The following LAMA2 variants were observed in gnomAD, a reference collection of about 807,000 sequenced individuals.
LAMA2 encodes laminin subunit alpha 2, also known as laminin subunit alpha-2.
In LAMA2, 269 loss-of-function variants were observed where a neutral mutation model predicts 364.8. The ratio of observed to expected loss-of-function variants is 0.74; its 90% CI spans 0.67 to 0.82. The LOEUF (loss-of-function observed/expected upper bound fraction) is 0.82, where lower values mean the gene tolerates loss of function less well. Among genes scored for constraint, LAMA2 ranks in the 40% least tolerant of loss-of-function variants. LAMA2 has a pLI of 0.00. For synonymous variants in LAMA2, 1,379 were observed against 1,370.6 expected (o/e 1.01, Z -0.14); for missense variants, 3,807 against 3,873.2 (o/e 0.98, Z 0.45).
At chr6:129,172,543 C>T (rs1211697033) in intron 9 of LAMA2, among the ~76,000 whole-genome samples, 1 of 152,244 alleles carries the variant, frequency 6.6e-6, no homozygotes, top group Non-Finnish European at 1.5e-5. Flanking sequence ...CTTAGATCTC[C>T]AGCTGCGTGC....
At chr6:129,181,618 G>C (rs1391901582) in intron 10 of LAMA2, among the ~76,000 whole-genome samples, 1 of 151,752 alleles carries the variant, frequency 6.6e-6, no homozygotes, top group Non-Finnish European at 1.5e-5. Flanking sequence ...AGAAACTGCA[G>C]GATAGAAAAT....
rs1361402560 is a variant in LAMA2 at position 129,492,374 on chromosome 6, A to G, written c.8135A>G (p.His2712Arg). 6.2e-7 allele frequency: 1 copy of G among 1,614,174 alleles called. No individual in the cohort carries two copies. The highest frequency in any genetic ancestry group is 8.5e-7 in the Non-Finnish European group (1 of 1,180,002). ...FKNADIGRCA[H>R]QKLREDEDGA... is the part of the protein sequence containing the mutation. ...AATGCTGACATTGGTCGCTGTGCCC[A>G]TCAGAAACTCCGTGAAGATGAAGAT... The change falls in exon 58 of 65, where the codon CAT (histidine) becomes CGT (arginine). Residue 2712 changes from histidine to arginine, a missense_variant. His to Arg is a conservative substitution (Grantham distance 29, BLOSUM62 0). Around this residue, in one of 3 missense-constraint regions of LAMA2, gnomAD observed 3,333 missense variants for 3,345.7 expected, o/e 1.00. Coordinates refer to ENST00000421865, the MANE Select transcript of LAMA2 (RefSeq NM_000426.4).
intron 1 of LAMA2, among the ~76,000 whole-genome samples, chr6:129,013,302 TGGCG>T (rs1280767019): frequency 6.6e-6 from 1 of 151,930 alleles, no homozygotes; most frequent in African/African-American, 2.4e-5. Flanking sequence ...CCCGGCGTGG[TGGCG>T]GGCGCCTGTA....
intron 15 of LAMA2, among the ~76,000 whole-genome samples, chr6:129,261,388 T>G (rs899352): frequency 0.16 from 24,798 of 152,028 alleles, 2,173 homozygotes; most frequent in South Asian, 0.23. Context: ...TATTGTTGTC[T>G]CAATATCCTA....
chr6:129,113,032 T>G (rs1207336676), intron 4 of LAMA2, among the ~76,000 whole-genome samples: 1 of 152,112 alleles, frequency 6.6e-6, no homozygotes, highest in Non-Finnish European at 1.5e-5. Context: ...ATTATTTCCC[T>G]GTACAACAAT....
chr6:129,167,119 C>A (rs893703695), intron 9 of LAMA2, among the ~76,000 whole-genome samples: 13 of 152,058 alleles, frequency 8.5e-5, no homozygotes, highest in Non-Finnish European at 1.9e-4. Flanking sequence ...CCCAGTCTTA[C>A]TTCCAAATTT....
At chr6:129,055,411 C>T (rs763003179) in intron 2 of LAMA2, among the ~76,000 whole-genome samples, 1 of 151,940 alleles carries the variant, frequency 6.6e-6, no homozygotes, top group African/African-American at 2.4e-5. Flanking sequence ...CCAGGCTGGT[C>T]TTGAACTCTC....
At chr6:129,403,139 C>A (rs1425994656) in intron 39 of LAMA2, among the ~76,000 whole-genome samples, 2 of 152,112 alleles carry the variant, frequency 1.3e-5, no homozygotes, top group African/African-American at 2.4e-5. Context: ...GCTATTAGCC[C>A]CAAGAATAAT....
At chr6:129,219,354 T>C (rs1783639144) in intron 12 of LAMA2, among the ~76,000 whole-genome samples, 1 of 151,850 alleles carries the variant, frequency 6.6e-6, no homozygotes, top group South Asian at 2.1e-4. Context: ...TGTGGAGAAA[T>C]AGGAACACTT....
In LAMA2 at chr6:129,457,798, G is replaced by C. The variant is rs566661890; in HGVS notation, c.6867+1304G>C. ...TTGAAGCTAAGAAGTCTGAGATCAAGGTACTGGCAGATTTGGTGTTTAGTG... is the reference window on the plus strand; with the variant it reads ...TTGAAGCTAAGAAGTCTGAGATCAACGTACTGGCAGATTTGGTGTTTAGTG... On this transcript the variant is annotated intron_variant, in intron 48 of 64. Coordinates refer to ENST00000421865, the MANE Select transcript of LAMA2 (RefSeq NM_000426.4). Among the ~76,000 whole-genome samples, 7 of 152,180 alleles carry C rather than the reference G, an allele frequency of 4.6e-5. No homozygotes were observed. The East Asian group carries it at 1.2e-3, about 25-fold the overall frequency.
chr6:129,357,943 G>C (rs1459689113), intron 32 of LAMA2, among the ~76,000 whole-genome samples: 1 of 151,942 alleles, frequency 6.6e-6, no homozygotes, highest in African/African-American at 2.4e-5. Flanking sequence ...TTGATCTCCA[G>C]ATGCTGATTA....
chr6:129,264,868 A>T (rs1787397004), intron 15 of LAMA2, among the ~76,000 whole-genome samples: 1 of 152,188 alleles, frequency 6.6e-6, no homozygotes, highest in African/African-American at 2.4e-5. Context: ...GACACAAAAC[A>T]GATTAGAATG....
At chr6:129,247,629 A>G (rs757446824) in intron 12 of LAMA2, among the ~76,000 whole-genome samples, 5 of 152,220 alleles carry the variant, frequency 3.3e-5, no homozygotes, top group Non-Finnish European at 7.3e-5. Context: ...AAATTGTTTA[A>G]ATGGTCCGTG....
chr6:129,378,420 G>A (rs1175710035), intron 34 of LAMA2, among the ~76,000 whole-genome samples: 3 of 152,182 alleles, frequency 2.0e-5, no homozygotes, highest in Non-Finnish European at 4.4e-5. Flanking sequence ...ATAGGTGATA[G>A]TGCATTTGTC....
At chr6:129,509,395 G>T (rs1010535704) in intron 62 of LAMA2, among the ~76,000 whole-genome samples, 1 of 152,048 alleles carries the variant, frequency 6.6e-6, no homozygotes, top group African/African-American at 2.4e-5. Context: ...TTGGTTGCCT[G>T]TGCTTGTGGG....
chr6:129,093,910 G>A (rs1775006070), intron 3 of LAMA2, among the ~76,000 whole-genome samples: 1 of 152,158 alleles, frequency 6.6e-6, no homozygotes, highest in South Asian at 2.1e-4. Context: ...AGCAGTCATA[G>A]CATTTTAATA....
intron 1 of LAMA2, among the ~76,000 whole-genome samples, chr6:129,041,367 C>T (rs953246062): frequency 3.9e-5 from 6 of 152,318 alleles, no homozygotes; most frequent in African/African-American, 1.4e-4. Context: ...GAGAAATAGT[C>T]ACCTGCTGAT....
Position 129,168,640 on chromosome 6 carries a change from C to T in LAMA2, c.1306+2965C>T, listed in dbSNP as rs376392807. ...TTCTTTTGGCTTAGGATTGACTTGG[C>T]GATGCGGGCTCTTTTTTGGTTCCAT... On this transcript the variant is annotated intron_variant, in intron 9 of 64. Transcript: ENST00000421865. Among the ~76,000 whole-genome samples the T allele has an allele frequency of 2.5e-3, 358 of 144,674 alleles. 1 individual carries two copies. The highest frequency in any genetic ancestry group is 7.0e-3 in the African/African-American group (271 of 38,626). The allele number at this position is 144,674 out of a possible 152,430, so 94.9% of individuals were successfully genotyped here. A position where few individuals can be genotyped will look rare whatever the true frequency, so the allele number is the denominator to read the frequency against.
At chr6:129,335,323 A>G (rs950466906) in intron 29 of LAMA2, among the ~76,000 whole-genome samples, 2 of 151,986 alleles carry the variant, frequency 1.3e-5, no homozygotes, top group Non-Finnish European at 1.5e-5. Context: ...GTGAACTAAC[A>G]GTAACTAGTA....
Sources: allele counts gnomAD v4.1 joint callset (sites outside exome capture counted in the v4.1 genomes callset), GRCh38; gene constraint gnomAD v4.1.1; regional missense constraint gnomAD v4.1.1; transcripts MANE v1.5; gene names NCBI Gene and HGNC (gene_info 2026-07-23, HGNC 2026-07-21).